FRAS1: variants seen among roughly 807,000 people sequenced by gnomAD.
FRAS1 encodes extracellular matrix organizing protein FRAS1.
In FRAS1, 290 loss-of-function variants were observed where a neutral mutation model predicts 435.2. The observed-to-expected ratio is 0.67, with a 90% confidence interval of 0.61 to 0.73. FRAS1 has a LOEUF of 0.73. Among genes scored for constraint, FRAS1 ranks in the 30% least tolerant of loss-of-function variants. FRAS1 has a pLI of 0.00. For synonymous variants in FRAS1, 1,800 were observed against 1,851.0 expected, an observed-to-expected ratio of 0.97 and a Z score of 0.71; for missense variants, 4,860 against 5,001.5, an observed-to-expected ratio of 0.97 and a Z score of 0.85.
chr4:78,334,916 G>A (rs1730111098), intron 19 of FRAS1, among the ~76,000 whole-genome samples: 1 of 151,788 alleles, frequency 6.6e-6, no homozygotes, highest in Non-Finnish European at 1.5e-5. Context: ...ACACCACCAT[G>A]CCCAAGTAAT....
Position 78,450,303 on chromosome 4 carries a change from C to T in FRAS1, c.6427C>T (p.Pro2143Ser), listed in dbSNP as rs756840400. The T allele has an allele frequency of 6.8e-6, 11 of 1,613,652 alleles. No homozygotes were observed. Among genetic ancestry groups the T allele is most frequent in the Non-Finnish European group, 8.5e-7 (1 of 1,179,794 alleles). ...CCTGGAGCAAATTTCTATTAAAGGC[C>T]CCATCCGAAGTTTCACCCAGGCAGA... is the stretch of plus-strand genomic sequence containing the variant. ...GNLEQISIKG[P>S]IRSFTQADIS... The change falls in exon 45 of 74, where the codon CCC (proline) becomes TCC (serine). Residue 2143 changes from proline (P) to serine (S), a missense_variant. Pro to Ser is a moderately conservative substitution (Grantham distance 74, BLOSUM62 -1). Transcript: ENST00000512123.
intron 14 of FRAS1, among the ~76,000 whole-genome samples, chr4:78,307,028 A>T (rs867514094): frequency 3.3e-5 from 5 of 152,264 alleles, no homozygotes; most frequent in East Asian, 1.9e-4. Context: ...GATGGTGATG[A>T]ACAGATGGGT....
chr4:78,503,929 G>A (rs1476176583), intron 61 of FRAS1, among the ~76,000 whole-genome samples: 1 of 152,084 alleles, frequency 6.6e-6, no homozygotes, highest in African/African-American at 2.4e-5. Flanking sequence ...TGTTCTCATT[G>A]GTTTCAAAGA....
chr4:78,520,727 A>G (rs1187175236), intron 67 of FRAS1, among the ~76,000 whole-genome samples: 1 of 152,124 alleles, frequency 6.6e-6, no homozygotes, highest in African/African-American at 2.4e-5. Context: ...TTATTCTTAT[A>G]TTTTCTATTT....
At chr4:78,504,618 T>C (rs1720776644) in intron 61 of FRAS1, among the ~76,000 whole-genome samples, 1 of 152,226 alleles carries the variant, frequency 6.6e-6, no homozygotes, top group African/African-American at 2.4e-5. Flanking sequence ...TACGTGTGTC[T>C]CTGCATGTGA....
chr4:78,191,103 T>G (rs1244033449), intron 2 of FRAS1, among the ~76,000 whole-genome samples: 1 of 152,222 alleles, frequency 6.6e-6, no homozygotes, highest in Non-Finnish European at 1.5e-5. Context: ...GCTGGCAGCT[T>G]GCTCTTGGAC....
At chr4:78,477,741 C>G in intron 54 of FRAS1, 74 bp from the exon 55 acceptor site, 1 of 1,538,328 alleles carries the variant, frequency 6.5e-7, no homozygotes, top group South Asian at 1.3e-5. Flanking sequence ...TGCTCTTTTC[C>G]TATGATGCCC....
chr4:78,246,545 G>T (rs549069305), intron 4 of FRAS1, among the ~76,000 whole-genome samples: 1 of 152,344 alleles, frequency 6.6e-6, no homozygotes, highest in African/African-American at 2.4e-5. Flanking sequence ...GTGTTATGTA[G>T]GGTGGTGTTG....
chr4:78,507,455 G>A lies in FRAS1; in HGVS notation c.9351G>A (p.Leu3117=). ...ATATCTTTTTTAAAGTTGAGATCCT[G>A]TCCAATGAAGACCGGGAATGGCATG... is the stretch of plus-strand genomic sequence containing the variant. The part of the protein sequence containing the change: ...VDHIFFKVEI[L]SNEDREWHES... Residue 3117 remains leucine (L), a synonymous_variant, in exon 62 of 74, where the codon CTG becomes CTA. Coordinates refer to ENST00000512123, the MANE Select transcript of FRAS1 (RefSeq NM_025074.7). 6.2e-7 allele frequency: 1 copy of A among 1,612,230 alleles called. No individual in the cohort carries two copies. Among genetic ancestry groups the A allele is most frequent in the South Asian group, 1.1e-5 (1 of 90,552 alleles).
chr4:78,510,825 G>T (rs1027141025), intron 63 of FRAS1, among the ~76,000 whole-genome samples: 6 of 152,164 alleles, frequency 3.9e-5, no homozygotes, highest in Non-Finnish European at 7.4e-5. Context: ...ATCGAGGGAG[G>T]ATAACAGTAG....
At chr4:78,267,661 G>A (rs374080268) in intron 9 of FRAS1, among the ~76,000 whole-genome samples, 1 of 152,202 alleles carries the variant, frequency 6.6e-6, no homozygotes, top group South Asian at 2.1e-4. Flanking sequence ...AGTACATCTG[G>A]TCAAATTGGA....
At chr4:78,314,446 T>G (rs1301178070) in intron 15 of FRAS1, among the ~76,000 whole-genome samples, 1 of 152,194 alleles carries the variant, frequency 6.6e-6, no homozygotes, top group Non-Finnish European at 1.5e-5. Flanking sequence ...AATTCAACCC[T>G]TAATCATCTT....
intron 32 of FRAS1, among the ~76,000 whole-genome samples, chr4:78,413,579 T>C (rs1156950845): frequency 6.6e-6 from 1 of 152,052 alleles, no homozygotes; most frequent in Non-Finnish European, 1.5e-5. Flanking sequence ...TGGGGACACA[T>C]TGGGAGGAAT....
Position 78,283,260 on chromosome 4 carries a change from T to A in FRAS1, c.1255+293T>A, listed in dbSNP as rs138669926. 7.9e-5 allele frequency among the ~76,000 whole-genome samples: 12 copies of A among 152,310 alleles called. 1 individual carries two copies. The East Asian group carries it at 2.3e-3, about 29-fold the overall frequency. On this transcript the variant is annotated intron_variant, in intron 12 of 73. Transcript: ENST00000512123. The stretch of plus-strand genomic sequence containing the variant: ...GTATCTTGCAAAATTATTGTGAAAA[T>A]CAAGCAACATGTTTGAAGACTTGTA...
intron 2 of FRAS1, among the ~76,000 whole-genome samples, chr4:78,161,094 G>A (rs1170212676): frequency 2.6e-5 from 4 of 151,988 alleles, no homozygotes; most frequent in South Asian, 2.1e-4. Context: ...AGCTGAGATC[G>A]TGTCACTGCA....
At chr4:78,301,847 T>G (rs1031748793) in intron 14 of FRAS1, among the ~76,000 whole-genome samples, 3 of 13,742 alleles carry the variant, frequency 2.2e-4, no homozygotes, top group South Asian at 1.8e-3. Flanking sequence ...ACAGAAACAG[T>G]TTTTTTTTTT....
rs140245510 is a variant in FRAS1 at position 78,233,728 on chromosome 4, C to T, written c.109-3782C>T. Among the ~76,000 whole-genome samples, 103 of 152,310 alleles carry T rather than the reference C, an allele frequency of 6.8e-4. 2 individuals carry two copies. In the East Asian group the frequency reaches 0.017, roughly 25 times the overall value. On this transcript the variant is annotated intron_variant, in intron 2 of 73. Coordinates refer to ENST00000512123, the MANE Select transcript of FRAS1 (RefSeq NM_025074.7). ...AAGAAACTGGGCATAGACATGTTAA[C>T]TCAATAACAAACTCAGTTAATAAAT... is the stretch of plus-strand genomic sequence containing the variant.
chr4:78,384,180 G>A, intron 28 of FRAS1, 37 bp downstream of exon 28: 2 of 1,354,212 alleles, frequency 1.5e-6, no homozygotes, highest in Non-Finnish European at 2.0e-6. Flanking sequence ...AATTTTACAT[G>A]ACTACTAGTT....
chr4:78,412,116 C>G (rs752444194), intron 31 of FRAS1, among the ~76,000 whole-genome samples: 2 of 149,982 alleles, frequency 1.3e-5, no homozygotes, highest in Admixed American at 6.6e-5. Context: ...TTTTGAGACT[C>G]GATCCCAGGC....
Sources: gnomAD v4.1 joint callset for allele counts (sites outside exome capture counted in the v4.1 genomes callset) on GRCh38, gnomAD v4.1.1 for gene constraint, MANE v1.5 for transcripts, NCBI Gene and HGNC (gene_info 2026-07-23, HGNC 2026-07-21) for gene names.